The following ENOX1 variants were observed in gnomAD, a reference collection of about 807,000 sequenced individuals.
ENOX1 encodes candidate growth-related and time keeping constitutive hydroquinone (NADH) oxidase.
In ENOX1, 42 loss-of-function variants were observed where a neutral mutation model predicts 82.5. The ratio of observed to expected loss-of-function variants is 0.51; its 90% CI spans 0.40 to 0.66. ENOX1 has a LOEUF of 0.66. Ranked by LOEUF, ENOX1 falls within the 30% of genes least tolerant of loss-of-function variation. The probability of loss-of-function intolerance (pLI) is 0.00; values close to 1 mark genes in which losing one functional copy is unlikely to be tolerated. For missense variants in ENOX1, 608 were observed against 811.6 expected (o/e 0.75, Z 3.05); for synonymous variants, 271 against 282.2 (o/e 0.96, Z 0.40).
chr13:43,458,803 C>T (rs1316244042), intron 3 of ENOX1: 2 of 152,112 alleles, frequency 1.3e-5, no homozygotes, highest in Non-Finnish European at 2.9e-5. Flanking sequence ...TCACACCTCC[C>T]CCTCCCCATT....
chr13:43,785,285 C>A (rs1323292716), intron 1 of ENOX1, among the ~76,000 whole-genome samples: 1 of 152,172 alleles, frequency 6.6e-6, no homozygotes, highest in Admixed American at 6.5e-5. Context: ...AGCACGCACC[C>A]ACCTCTCGAG....
intron 1 of ENOX1, among the ~76,000 whole-genome samples, chr13:43,702,749 G>A (rs183139638): frequency 8.1e-4 from 123 of 151,994 alleles, no homozygotes; most frequent in Middle Eastern, 6.8e-3. Flanking sequence ...TCAGAAGTTC[G>A]AGGCCAGCCT....
At chr13:43,645,648 T>G (rs1467465600) in intron 2 of ENOX1, among the ~76,000 whole-genome samples, 1 of 152,226 alleles carries the variant, frequency 6.6e-6, no homozygotes, top group African/African-American at 2.4e-5. Context: ...CTGAACTCCA[T>G]GGAAATTGAG....
intron 1 of ENOX1, among the ~76,000 whole-genome samples, chr13:43,671,197 T>A (rs954549418): frequency 6.6e-6 from 1 of 152,198 alleles, no homozygotes; most frequent in Non-Finnish European, 1.5e-5. Context: ...TGATTCTAAG[T>A]TTCCTAAGGC....
At chr13:43,249,756 G>T (rs933649336) in intron 14 of ENOX1, among the ~76,000 whole-genome samples, 1 of 152,136 alleles carries the variant, frequency 6.6e-6, no homozygotes, top group African/African-American at 2.4e-5. Flanking sequence ...GAAAGAGAAA[G>T]ATTTGATTAT....
chr13:43,648,967 G>T (rs1264008631), intron 2 of ENOX1, among the ~76,000 whole-genome samples: 2 of 152,168 alleles, frequency 1.3e-5, no homozygotes, highest in East Asian at 3.8e-4. Context: ...ATTGCTCAGG[G>T]TTAGACCCAG....
At chr13:43,261,265 T>C (rs568016171) in intron 14 of ENOX1, among the ~76,000 whole-genome samples, 2 of 152,068 alleles carry the variant, frequency 1.3e-5, no homozygotes, top group Non-Finnish European at 2.9e-5. Flanking sequence ...AATGAGGAAA[T>C]ACAAGACTCT....
At chr13:43,442,712 G>A (rs984879) in intron 3 of ENOX1, among the ~76,000 whole-genome samples, 14,485 of 152,082 alleles carry the variant, frequency 0.095, 765 homozygotes, top group East Asian at 0.25. Context: ...TCCATATCCC[G>A]GCTCTGTGTC....
intron 5 of ENOX1, among the ~76,000 whole-genome samples, chr13:43,387,965 T>C (rs978972116): frequency 1.2e-4 from 18 of 152,178 alleles, no homozygotes; most frequent in Non-Finnish European, 1.5e-4. Flanking sequence ...CAGGAAAAGT[T>C]AACCATAGGT....
At chr13:43,455,363 T>A (rs1162032601) in intron 3 of ENOX1, among the ~76,000 whole-genome samples, 1 of 152,208 alleles carries the variant, frequency 6.6e-6, no homozygotes, top group African/African-American at 2.4e-5. Context: ...GAATCTTCTT[T>A]TTAATCCTGG....
chr13:43,443,981 C>A (rs1023379192), intron 3 of ENOX1, among the ~76,000 whole-genome samples: 2 of 152,100 alleles, frequency 1.3e-5, no homozygotes, highest in Non-Finnish European at 2.9e-5. Context: ...CGGATCCTAG[C>A]TGTTTAGGAA....
At chr13:43,555,259 A>G (rs1049947639) in intron 2 of ENOX1, among the ~76,000 whole-genome samples, 13 of 152,358 alleles carry the variant, frequency 8.5e-5, no homozygotes, top group Admixed American at 5.2e-4. Flanking sequence ...TCACACAAAG[A>G]CAACTAGCAT....
chr13:43,379,062 T>A (rs948758776), intron 5 of ENOX1, among the ~76,000 whole-genome samples: 2 of 152,048 alleles, frequency 1.3e-5, no homozygotes, highest in African/African-American at 2.4e-5. Context: ...CCAAAAAACA[T>A]AGGCAACATC....
At chr13:43,718,916 T>G (rs1462810381) in intron 1 of ENOX1, among the ~76,000 whole-genome samples, 1 of 152,106 alleles carries the variant, frequency 6.6e-6, no homozygotes, top group Non-Finnish European at 1.5e-5. Context: ...GGAGAAACTT[T>G]AAAAACTACA....
At chr13:43,320,824 T>C (rs923870118) in intron 11 of ENOX1, among the ~76,000 whole-genome samples, 5 of 152,210 alleles carry the variant, frequency 3.3e-5, no homozygotes, top group African/African-American at 1.2e-4. Flanking sequence ...AAAAAAAAAG[T>C]TTATTTCTTT....
intron 12 of ENOX1, among the ~76,000 whole-genome samples, chr13:43,286,211 A>T (rs2045695307): frequency 6.6e-6 from 1 of 152,230 alleles, no homozygotes; most frequent in African/African-American, 2.4e-5. Context: ...TAGTGTCCAT[A>T]GCTGGAGGGA....
chr13:43,630,860 T>TATATATACACACACAC (rs34023929), intron 2 of ENOX1, among the ~76,000 whole-genome samples: 2 of 147,796 alleles, frequency 1.4e-5, no homozygotes, highest in African/African-American at 5.0e-5. Context: ...TATATATATA[T>TATATATACACACACAC]ACACACACAC....
At chr13:43,316,087 C>A (rs2047464762) in intron 11 of ENOX1, among the ~76,000 whole-genome samples, 1 of 152,148 alleles carries the variant, frequency 6.6e-6, no homozygotes, top group East Asian at 1.9e-4. Flanking sequence ...CCTCTCCCTG[C>A]CAACTGCCCA....
intron 3 of ENOX1, among the ~76,000 whole-genome samples, chr13:43,417,904 C>T (rs750077526): frequency 6.6e-6 from 1 of 152,160 alleles, no homozygotes; most frequent in Non-Finnish European, 1.5e-5. Context: ...TTCCACCATT[C>T]CTTTATAAAA....
Sources: allele counts gnomAD v4.1 joint callset (sites outside exome capture counted in the v4.1 genomes callset), GRCh38; gene constraint gnomAD v4.1.1; transcripts MANE v1.5; gene names NCBI Gene and HGNC (gene_info 2026-07-23, HGNC 2026-07-21).